FARS2: variants seen among roughly 807,000 people sequenced by gnomAD.
FARS2 encodes phenylalanine--tRNA ligase, mitochondrial.
In FARS2, 40 loss-of-function variants were observed where a neutral mutation model predicts 46.4. That is an observed-to-expected ratio of 0.86 (90% confidence interval 0.67 to 1.12). The LOEUF (loss-of-function observed/expected upper bound fraction) is 1.12. Ranked by LOEUF, FARS2 falls within the 50% of genes most tolerant of loss-of-function variation. The pLI is 0.00. For synonymous variants in FARS2, 234 were observed against 214.9 expected (o/e 1.09, Z -0.78); for missense variants, 513 against 567.9 (o/e 0.90, Z 0.98).
intron 6 of FARS2, among the ~76,000 whole-genome samples, chr6:5,756,377 GA>G (rs1326386528): frequency 2.0e-5 from 3 of 152,242 alleles, no homozygotes; most frequent in Non-Finnish European, 4.4e-5. Flanking sequence ...AATTTGTGAA[GA>G]AAAGAGGTTT....
At chr6:5,696,396 A>AT (rs935318574) in intron 6 of FARS2, among the ~76,000 whole-genome samples, 2 of 152,116 alleles carry the variant, frequency 1.3e-5, no homozygotes, top group African/African-American at 4.8e-5. Context: ...CCCAGCTAAG[A>AT]TTTTTTTTAT....
chr6:5,321,526 T>C (rs1224684143), intron 1 of FARS2, among the ~76,000 whole-genome samples: 1 of 152,138 alleles, frequency 6.6e-6, no homozygotes, highest in African/African-American at 2.4e-5. Flanking sequence ...CTGTGCCTTG[T>C]AGGAGACAAG....
At chr6:5,728,470 G>A (rs940707796) in intron 6 of FARS2, among the ~76,000 whole-genome samples, 2 of 152,096 alleles carry the variant, frequency 1.3e-5, no homozygotes, top group Non-Finnish European at 2.9e-5. Context: ...AGGAGGTATA[G>A]GGAATAATTC....
chr6:5,610,326 AG>A (rs1383548925), intron 5 of FARS2: 6 of 406,796 alleles, frequency 1.5e-5, no homozygotes, highest in African/African-American at 4.1e-5. Context: ...AAAAAAAAAA[AG>A]AATTATAAAG....
intron 5 of FARS2, among the ~76,000 whole-genome samples, chr6:5,582,381 A>G (rs1383933366): frequency 2.0e-5 from 3 of 152,236 alleles, no homozygotes; most frequent in African/African-American, 2.4e-5. Context: ...TGACTTACCT[A>G]TGTTAAGTAC....
At chr6:5,541,291 G>A (rs550848407) in intron 4 of FARS2, among the ~76,000 whole-genome samples, 7 of 152,262 alleles carry the variant, frequency 4.6e-5, no homozygotes, top group South Asian at 2.1e-4. Context: ...TGGTACTGCC[G>A]TGTCATTCAA....
intron 6 of FARS2, among the ~76,000 whole-genome samples, chr6:5,658,426 A>AACATAT (rs1421708420): frequency 4.6e-5 from 7 of 152,310 alleles, no homozygotes; most frequent in African/African-American, 1.7e-4. Flanking sequence ...AAACTCCAAA[A>AACATAT]ACATATGGGT....
At chr6:5,443,629 C>T (rs970088662) in intron 4 of FARS2, among the ~76,000 whole-genome samples, 4 of 152,178 alleles carry the variant, frequency 2.6e-5, no homozygotes, top group South Asian at 2.1e-4. Flanking sequence ...GGAGTGGACC[C>T]GAACCAACCT....
chr6:5,316,225 C>T (rs891934790), intron 1 of FARS2, among the ~76,000 whole-genome samples: 1 of 152,208 alleles, frequency 6.6e-6, no homozygotes, highest in South Asian at 2.1e-4. Flanking sequence ...TCTCTAAATG[C>T]TTGTATGTGG....
chr6:5,414,957 G>C (rs1762142861), intron 3 of FARS2, among the ~76,000 whole-genome samples: 1 of 151,358 alleles, frequency 6.6e-6, no homozygotes, highest in South Asian at 2.1e-4. Context: ...TGAGATTACA[G>C]GCACCCGCCA....
chr6:5,472,320 G>T (rs560099542), intron 4 of FARS2, among the ~76,000 whole-genome samples: 1 of 152,264 alleles, frequency 6.6e-6, no homozygotes, highest in Admixed American at 6.5e-5. Flanking sequence ...TGAAGGCAGG[G>T]CCCCCAAATG....
chr6:5,432,324 A>AT (rs1562036268), intron 4 of FARS2, among the ~76,000 whole-genome samples: 45 of 36,930 alleles, frequency 1.2e-3, no homozygotes, highest in East Asian at 0.012. Context: ...TAAAAAAAAA[A>AT]AAAATATATA....
the FARS2 span, among the ~76,000 whole-genome samples, chr6:5,251,923 G>C: frequency 6.6e-6 from 1 of 152,164 alleles, no homozygotes; most frequent in African/African-American, 2.4e-5. Context: ...TCTGGATTGC[G>C]ACTGGTAATA....
intron 1 of FARS2, among the ~76,000 whole-genome samples, chr6:5,354,637 C>G (rs1053106847): frequency 6.6e-6 from 1 of 152,018 alleles, no homozygotes; most frequent in African/African-American, 2.4e-5. Context: ...CCTCAGCCTC[C>G]CGAGTAGCTG....
rs144626080 is a variant in FARS2 at position 5,314,581 on chromosome 6, C to A, written c.-22+52921C>A. Among the ~76,000 whole-genome samples, 335 of 152,260 alleles carry A rather than the reference C, an allele frequency of 2.2e-3. 1 individual carries two copies. Among genetic ancestry groups the A allele is most frequent in the African/African-American group, 7.8e-3 (322 of 41,546 alleles). ...TGCCTATGGTCTGTTTTCTTCCAGG[C>A]AGAGGTGATGTCTTGTTCCTCCTCA... On this transcript the variant is annotated intron_variant, in intron 1 of 6. Coordinates refer to ENST00000274680, the MANE Select transcript of FARS2 (RefSeq NM_006567.5).
chr6:5,756,215 T>TG (rs545605241), intron 6 of FARS2, among the ~76,000 whole-genome samples: 2 of 152,332 alleles, frequency 1.3e-5, no homozygotes, highest in Non-Finnish European at 2.9e-5. Context: ...CTTACTGCTG[T>TG]GGTTTGTGTT....
chr6:5,433,241 G>A (rs1409643746), intron 4 of FARS2, among the ~76,000 whole-genome samples: 1 of 152,140 alleles, frequency 6.6e-6, no homozygotes, highest in East Asian at 1.9e-4. Flanking sequence ...ATGGGTGCAA[G>A]GATACACCCT....
intron 5 of FARS2, among the ~76,000 whole-genome samples, chr6:5,551,769 T>C (rs901429506): frequency 6.6e-5 from 10 of 152,210 alleles, no homozygotes; most frequent in Admixed American, 2.6e-4. Context: ...TTTGCCCGTC[T>C]AGAGACAGTC....
chr6:5,469,139 C>T (rs1765672427), intron 4 of FARS2, among the ~76,000 whole-genome samples: 2 of 152,212 alleles, frequency 1.3e-5, no homozygotes, highest in Admixed American at 1.3e-4. Context: ...TAGCCATTGC[C>T]ACTTCCAGCG....
Sources: gnomAD v4.1 joint callset for allele counts (sites outside exome capture counted in the v4.1 genomes callset) on GRCh38, gnomAD v4.1.1 for gene constraint, MANE v1.5 for transcripts, NCBI Gene and HGNC (gene_info 2026-07-23, HGNC 2026-07-21) for gene names.